Variants in MALRD1 observed in about 807,000 individuals in gnomAD.
The protein encoded by MALRD1 is MAM and LDL receptor class A domain containing 1.
Under a neutral mutation model 242.1 loss-of-function variants are expected in MALRD1, and 247 were observed. That is an observed-to-expected ratio of 1.02 (90% confidence interval 0.92 to 1.13). The LOEUF (loss-of-function observed/expected upper bound fraction) is 1.13, where lower values mean the gene tolerates loss of function less well. Ranked by LOEUF, MALRD1 falls within the 50% of genes most tolerant of loss-of-function variation. MALRD1 has a pLI of 0.00. For synonymous variants in MALRD1, 995 were observed against 866.6 expected, an observed-to-expected ratio of 1.15 and a Z score of -2.60; for missense variants, 2,989 against 2,533.1, an observed-to-expected ratio of 1.18 and a Z score of -3.86.
intron 26 of MALRD1, among the ~76,000 whole-genome samples, chr10:19,377,023 G>A (rs890254969): frequency 1.3e-5 from 2 of 152,142 alleles, no homozygotes; most frequent in East Asian, 1.9e-4. Context: ...TAAACACTAT[G>A]TGGTACAATT....
At chr10:19,477,126 C>G (rs16918827) in intron 29 of MALRD1, among the ~76,000 whole-genome samples, 17,159 of 152,068 alleles carry the variant, frequency 0.11, 993 homozygotes, top group African/African-American at 0.13. Context: ...GTTTTAACCT[C>G]TTAGTGCTCA....
intron 38 of MALRD1, among the ~76,000 whole-genome samples, chr10:19,702,454 T>C (rs1445495079): frequency 6.6e-6 from 1 of 152,228 alleles, no homozygotes; most frequent in Non-Finnish European, 1.5e-5. Flanking sequence ...AACAATGTTA[T>C]AGCAATGATG....
intron 1 of MALRD1, among the ~76,000 whole-genome samples, chr10:19,057,217 T>C (rs1456674884): frequency 6.6e-6 from 1 of 152,196 alleles, no homozygotes; most frequent in Non-Finnish European, 1.5e-5. Context: ...AGCCACTCTT[T>C]GTCTTTTGAT....
chr10:19,710,725 G>A (rs1006282770), intron 38 of MALRD1: 7 of 152,108 alleles, frequency 4.6e-5, no homozygotes, highest in South Asian at 2.1e-4. Flanking sequence ...TTATCATTTC[G>A]TCAGTATAAT....
intron 28 of MALRD1, among the ~76,000 whole-genome samples, chr10:19,449,218 C>G (rs529255404): frequency 1.6e-4 from 25 of 152,116 alleles, no homozygotes; most frequent in Non-Finnish European, 3.2e-4. Flanking sequence ...CACTCTGTTG[C>G]CAGGCTGGAG....
At chr10:19,557,221 T>C (rs1416920909) in intron 32 of MALRD1, among the ~76,000 whole-genome samples, 2 of 152,100 alleles carry the variant, frequency 1.3e-5, no homozygotes, top group African/African-American at 4.8e-5. Context: ...TTTTAGAATA[T>C]TTTCTTTGGT....
At chr10:19,584,187 A>AT (rs1399932711) in intron 33 of MALRD1, among the ~76,000 whole-genome samples, 1 of 151,646 alleles carries the variant, frequency 6.6e-6, no homozygotes, top group African/African-American at 2.4e-5. Context: ...TCCTGGATTC[A>AT]TTGATTTTTT....
chr10:19,389,437 T>A lies in MALRD1; in HGVS notation c.4688-15T>A. The stretch of plus-strand genomic sequence containing the variant: ...TGTTATTTCGTTCTTCTCTGAATTC[T>A]GTCCTTGTTCCTAGGGCACTTCATG... On this transcript the variant is annotated splice_polypyrimidine_tract_variant and intron_variant, in intron 27 of 39. Coordinates refer to ENST00000454679, the MANE Select transcript of MALRD1 (RefSeq NM_001142308.3). 1 of 1,549,040 alleles carries A rather than the reference T, an allele frequency of 6.5e-7. No individual in the cohort carries two copies. The highest frequency in any genetic ancestry group is 1.4e-5 in the African/African-American group (1 of 73,122).
At chr10:19,482,691 A>ACACACG (rs57696212) in intron 29 of MALRD1, among the ~76,000 whole-genome samples, 1 of 148,288 alleles carries the variant, frequency 6.7e-6, no homozygotes, top group Non-Finnish European at 1.5e-5. Context: ...ACACACACAC[A>ACACACG]TACACACAAA....
intron 34 of MALRD1, among the ~76,000 whole-genome samples, chr10:19,606,360 A>G (rs1311420900): frequency 1.3e-5 from 2 of 152,118 alleles, no homozygotes; most frequent in African/African-American, 2.4e-5. Flanking sequence ...AAAATGTTCA[A>G]TGAGAAGTTG....
At chr10:19,362,781 A>G (rs1844945630) in intron 26 of MALRD1, among the ~76,000 whole-genome samples, 1 of 152,172 alleles carries the variant, frequency 6.6e-6, no homozygotes, top group South Asian at 2.1e-4. Flanking sequence ...GAGAGATTTC[A>G]GAATAACCAG....
intron 14 of MALRD1, among the ~76,000 whole-genome samples, chr10:19,203,167 A>T (rs1398451264): frequency 3.4e-5 from 5 of 147,996 alleles, no homozygotes; most frequent in African/African-American, 1.3e-4. Context: ...TAACTGATTT[A>T]TCTGCGTATT....
At chr10:19,687,961 ATGTTATGTTAT>A (rs1226372280) in intron 36 of MALRD1, among the ~76,000 whole-genome samples, 7 of 146,504 alleles carry the variant, frequency 4.8e-5, no homozygotes, top group Non-Finnish European at 1.1e-4. Flanking sequence ...ATGTTATGTT[ATGTTATGTTAT>A]GTTATGTTAT....
chr10:19,389,484 GGC>G lies in MALRD1; in HGVS notation c.4721_4722del (p.Gly1574AlafsTer4). The G allele has an allele frequency of 2.6e-6, 4 of 1,550,526 alleles. No homozygotes were observed. Among genetic ancestry groups the G allele is most frequent in the Non-Finnish European group, 3.5e-6 (4 of 1,146,958 alleles). On this transcript the variant is annotated frameshift_variant, in exon 28 of 40. Transcript: ENST00000454679. LOFTEE classifies it high-confidence loss of function. ...CATGTATCTGGAAGCTACTGCAGTG[GGC>G]CTTCGGGGTGACAAAGCACACTTCA... Reference protein sequence around the residue: ...HFMYLEATAVGLRGDKAHFRS... With the variant: ...HFMYLEATAVXLRGDKAHFRS...
At chr10:19,576,386 C>T (rs975743900) in intron 33 of MALRD1, among the ~76,000 whole-genome samples, 30 of 152,178 alleles carry the variant, frequency 2.0e-4, no homozygotes, top group Admixed American at 1.8e-3. Flanking sequence ...TTCTTATTCT[C>T]ATTGTATCAG....
chr10:19,315,616 A>T (rs1409601542), intron 21 of MALRD1, among the ~76,000 whole-genome samples: 7 of 114,882 alleles, frequency 6.1e-5, no homozygotes, highest in African/African-American at 2.2e-4. Context: ...ATAAATATTT[A>T]TATAAATTAT....
At chr10:19,490,509 G>GGA (rs1554783748) in intron 29 of MALRD1, among the ~76,000 whole-genome samples, 1 of 74,178 alleles carries the variant, frequency 1.3e-5, no homozygotes, top group South Asian at 6.4e-4. Flanking sequence ...AGTGGGGCGG[G>GGA]GGGGGGGCAG....
chr10:19,507,921 A>AT (rs1018881486), intron 31 of MALRD1, among the ~76,000 whole-genome samples: 4 of 152,114 alleles, frequency 2.6e-5, no homozygotes, highest in Non-Finnish European at 5.9e-5. Context: ...TTTGAAGCCC[A>AT]TTTTTTTGAG....
chr10:19,672,144 T>A (rs1841950517), intron 36 of MALRD1, among the ~76,000 whole-genome samples: 1 of 152,136 alleles, frequency 6.6e-6, no homozygotes, highest in Non-Finnish European at 1.5e-5. Context: ...TCCAGCCGCA[T>A]CTTCACAGGT....
Sources: gnomAD v4.1 joint callset for allele counts (sites outside exome capture counted in the v4.1 genomes callset) on GRCh38, gnomAD v4.1.1 for gene constraint, MANE v1.5 for transcripts, NCBI Gene and HGNC (gene_info 2026-07-23, HGNC 2026-07-21) for gene names.